PFKP: variants seen among roughly 807,000 people sequenced by gnomAD.
PFKP encodes the protein ATP-dependent 6-phosphofructokinase, platelet type.
Under a neutral mutation model 94.3 loss-of-function variants are expected in PFKP, and 101 were observed. The observed-to-expected ratio is 1.07, with a 90% confidence interval of 0.91 to 1.26. PFKP has a LOEUF of 1.26. Among genes scored for constraint, PFKP ranks in the 50% most tolerant of loss-of-function variants. The pLI is 0.00. For missense variants in PFKP, 1,145 were observed against 1,103.3 expected (o/e 1.04, Z -0.53); for synonymous variants, 573 against 432.6 (o/e 1.32, Z -4.03).
intron 3 of PFKP, among the ~76,000 whole-genome samples, chr10:3,100,096 A>C (rs1382092354): frequency 6.7e-6 from 1 of 148,494 alleles, no homozygotes; most frequent in African/African-American, 2.5e-5. Flanking sequence ...AAAGAGAGTG[A>C]GTGAGAGAAT....
rs1024508433 is a variant in PFKP, at chr10:3,116,812, A to G, written c.1408A>G (p.Thr470Ala). Residue 470 changes from threonine to alanine, a missense_variant, in exon 14 of 22, where the codon ACC (threonine) becomes GCC (alanine). Around this residue, in one of 3 missense-constraint regions of PFKP, gnomAD observed 1,119 missense variants for 1,062.8 expected, o/e 1.05. Transcript: ENST00000381125. ...EIGWTDVGGW[T>A]GQGGSILGTK... Reference sequence around the variant, plus strand: ...CGGCTGGACAGATGTCGGGGGCTGGACCGGCCAAGGAGGCTCCATTCTTGG... The same window carrying G: ...CGGCTGGACAGATGTCGGGGGCTGGGCCGGCCAAGGAGGCTCCATTCTTGG... 3 of 1,613,672 alleles carry G rather than the reference A, an allele frequency of 1.9e-6. No individual in the cohort carries two copies. The highest frequency in any genetic ancestry group is 8.5e-7 in the Non-Finnish European group (1 of 1,179,656).
rs915147508 is a variant in PFKP at position 3,077,266 on chromosome 10, T to C, written c.113-5122T>C. ...ATTCTTTACTTTTTTTTTTTCTTTTTTTTTTTTTTTTTTTGAGATGGAATC... is the reference window on the plus strand; with the variant it reads ...ATTCTTTACTTTTTTTTTTTCTTTTCTTTTTTTTTTTTTTGAGATGGAATC... On this transcript the variant is annotated intron_variant, in intron 1 of 21. Coordinates refer to ENST00000381125, the MANE Select transcript of PFKP (RefSeq NM_002627.5). 7.3e-3 allele frequency among the ~76,000 whole-genome samples: 920 copies of C among 125,520 alleles called. 16 individuals carry two copies. Among genetic ancestry groups the C allele is most frequent in the African/African-American group, 0.025 (843 of 34,300 alleles). The allele number at this position is 125,520 out of a possible 152,430, so 82.3% of individuals were successfully genotyped here.
chr10:3,080,431 G>T (rs944401768), intron 1 of PFKP, among the ~76,000 whole-genome samples: 1 of 149,612 alleles, frequency 6.7e-6, no homozygotes, highest in Non-Finnish European at 1.5e-5. Flanking sequence ...GCAGGAGAAT[G>T]GCGTGAACCT....
At chr10:3,112,989 C>T in intron 11 of PFKP, 130 bp from the exon 12 acceptor site, 2 of 783,480 alleles carry the variant, frequency 2.6e-6, no homozygotes, top group Admixed American at 2.2e-5. Context: ...AACCCTGGGG[C>T]CTCCTCCTTC....
intron 3 of PFKP, among the ~76,000 whole-genome samples, chr10:3,099,920 T>G (rs1222402731): frequency 6.6e-6 from 1 of 151,760 alleles, no homozygotes; most frequent in African/African-American, 2.4e-5. Flanking sequence ...TGTGTCTGTA[T>G]GTAGGTGTGT....
Position 3,136,730 on chromosome 10 carries a change from T to G in PFKP, c.*151T>G, listed in dbSNP as rs1273589032. 2 of 685,352 alleles carry G rather than the reference T, an allele frequency of 2.9e-6. No individual in the cohort carries two copies. Among genetic ancestry groups the G allele is most frequent in the Non-Finnish European group, 4.9e-6 (2 of 409,428 alleles). 42.5% of individuals were successfully genotyped at this position (685,352 alleles called of 1,614,324 possible). ...GCCCCACCTGCTCCAGTGCGTGCTG[T>G]CTGTGGAGTGTGTCTCATGCTTTCA... On this transcript the variant is annotated 3_prime_UTR_variant, in exon 22 of 22. Coordinates refer to ENST00000381125, the MANE Select transcript of PFKP (RefSeq NM_002627.5).
chr10:3,084,712 CA>C (rs1833358244), intron 2 of PFKP, among the ~76,000 whole-genome samples: 1 of 67,602 alleles, frequency 1.5e-5, no homozygotes, highest in Admixed American at 1.3e-4. Context: ...AGCCCCTCCC[CA>C]GGAGAGTCCT....
intron 14 of PFKP, among the ~76,000 whole-genome samples, chr10:3,118,393 G>A (rs546115801): frequency 2.6e-5 from 4 of 152,052 alleles, no homozygotes; most frequent in Admixed American, 6.5e-5. Flanking sequence ...ACTTGAACCC[G>A]GGAGGCGGAG....
At chr10:3,117,017 G>A (rs1056955528) in intron 14 of PFKP, among the ~76,000 whole-genome samples, 171 bp downstream of exon 14, 5 of 152,250 alleles carry the variant, frequency 3.3e-5, no homozygotes, top group African/African-American at 7.2e-5. Flanking sequence ...CCGTGTTCCA[G>A]GGAGCTGGGG....
intron 21 of PFKP, 51 bp downstream of exon 21, chr10:3,135,889 A>G (rs762410787): frequency 1.9e-6 from 2 of 1,062,290 alleles, no homozygotes; most frequent in Non-Finnish European, 2.9e-6. Context: ...TGAGTACGGG[A>G]CAGGGGAATG....
At chr10:3,096,056 C>T (rs1019609748) in intron 2 of PFKP, among the ~76,000 whole-genome samples, 2 of 152,200 alleles carry the variant, frequency 1.3e-5, no homozygotes, top group East Asian at 3.8e-4. Context: ...GTTTGCAGAG[C>T]AGTTTTCTTA....
intron 13 of PFKP, among the ~76,000 whole-genome samples, chr10:3,114,697 C>G (rs1160015686): frequency 6.6e-6 from 1 of 152,208 alleles, no homozygotes; most frequent in South Asian, 2.1e-4. Context: ...TCAGGGGACA[C>G]TCATCCCAGG....
Position 3,100,793 on chromosome 10 carries a change from G to C in PFKP, c.265-572G>C, listed in dbSNP as rs995727579. ...GACGAATCATGATCTATGTCCCCTG[G>C]AAGTTTGGATGAAAGAATTTAAGAT... On this transcript the variant is annotated intron_variant, in intron 3 of 21. Transcript: ENST00000381125. 3 of 587,774 alleles carry C rather than the reference G, an allele frequency of 5.1e-6. No homozygotes were observed. The African/African-American group carries it at 5.9e-5, about 11-fold the overall frequency. The allele number at this position is 587,774 out of a possible 1,614,324, so 36.4% of individuals were successfully genotyped here. A position where few individuals can be genotyped will look rare whatever the true frequency, so the allele number is the denominator to read the frequency against.
intron 2 of PFKP, among the ~76,000 whole-genome samples, chr10:3,087,760 A>G (rs1405132062): frequency 2.0e-5 from 3 of 152,072 alleles, no homozygotes; most frequent in African/African-American, 7.2e-5. Flanking sequence ...CTGCCCCAGA[A>G]GGTGGGAAAT....
chr10:3,108,005 T>G (rs1588487327), intron 8 of PFKP: 1 of 1,289,664 alleles, frequency 7.8e-7, no homozygotes, highest in East Asian at 5.5e-5. Flanking sequence ...TTTGTTATGG[T>G]CAGTTAAGGA....
intron 7 of PFKP, among the ~76,000 whole-genome samples, chr10:3,106,644 C>CT (rs1481482270): frequency 2.0e-4 from 10 of 50,382 alleles, no homozygotes; most frequent in Admixed American, 6.4e-4. Flanking sequence ...TGCCCCTCTC[C>CT]TCACCCCTGC....
intron 3 of PFKP, chr10:3,100,916 T>G (rs544296951): frequency 6.3e-7 from 1 of 1,590,030 alleles, no homozygotes; most frequent in Admixed American, 1.7e-5. Context: ...TGGTTTTACT[T>G]GCAGGTGCTG....
In PFKP at chr10:3,135,702, G is replaced by T. The variant is rs766450209; in HGVS notation, c.2123-34G>T. 10 of 1,304,438 alleles carry T rather than the reference G, an allele frequency of 7.7e-6. No individual in the cohort carries two copies. In the Admixed American group the frequency reaches 1.2e-4, roughly 16 times the overall value. 80.8% of individuals were successfully genotyped at this position (1,304,438 alleles called of 1,614,324 possible). A position where few individuals can be genotyped will look rare whatever the true frequency, so the allele number is the denominator to read the frequency against. ...GCTCCCCCACCTGCCCATGTTGACA[G>T]GGTGTTATTAATCTTTTTTAAAATC... On this transcript the variant is annotated intron_variant, in intron 20 of 21. Transcript: ENST00000381125.
intron 2 of PFKP, among the ~76,000 whole-genome samples, chr10:3,083,648 T>C (rs965267398): frequency 6.6e-6 from 1 of 152,028 alleles, no homozygotes; most frequent in Non-Finnish European, 1.5e-5. Flanking sequence ...ACTTATTTTA[T>C]TTTATTTTTT....
Sources: allele counts gnomAD v4.1 joint callset (sites outside exome capture counted in the v4.1 genomes callset), GRCh38; gene constraint gnomAD v4.1.1; regional missense constraint gnomAD v4.1.1; transcripts MANE v1.5; gene names NCBI Gene and HGNC (gene_info 2026-07-23, HGNC 2026-07-21).